CUTC: variants seen among roughly 807,000 people sequenced by gnomAD.
The protein encoded by CUTC is copper homeostasis protein cutC homolog.
Under a neutral mutation model 36.2 loss-of-function variants are expected in CUTC, and 27 were observed. That is an observed-to-expected ratio of 0.75 (90% CI 0.55 to 1.03). The LOEUF is 1.03. CUTC is among the 50% of genes least tolerant of loss of function. The probability of loss-of-function intolerance (pLI) is 0.00; values close to 1 mark genes in which losing one functional copy is unlikely to be tolerated. For synonymous variants in CUTC, 114 were observed against 118.3 expected, an observed-to-expected ratio of 0.96 and a Z score of 0.24; for missense variants, 315 against 343.5, an observed-to-expected ratio of 0.92 and a Z score of 0.66.
intron 6 of CUTC, 146 bp downstream of exon 6, chr10:99,747,536 C>G: frequency 1.2e-6 from 1 of 835,092 alleles, no homozygotes. Flanking sequence ...GTATATAATT[C>G]TTATTTCTTT....
chr10:99,740,585 A>G (rs1334317398), intron 3 of CUTC, among the ~76,000 whole-genome samples: 1 of 151,566 alleles, frequency 6.6e-6, no homozygotes, highest in Non-Finnish European at 1.5e-5. Flanking sequence ...GTTTTGAACA[A>G]TTTTCTTATG....
rs746328351 is a variant in CUTC, at chr10:99,747,257, C to G, written c.440C>G (p.Ala147Gly). Reference protein sequence around the residue: ...CRPLPVTFHRAFDMVHDPMAA... With the variant: ...CRPLPVTFHRGFDMVHDPMAA... ...TTCACATCAGTTTTATTTATTTCAGCCTTTGACATGGTTCATGATCCAATG... is the reference window on the plus strand; with the variant it reads ...TTCACATCAGTTTTATTTATTTCAGGCTTTGACATGGTTCATGATCCAATG... The change falls in exon 6 of 9, where the codon GCC becomes GGC. Residue 147 changes from alanine (A) to glycine (G), a missense_variant and splice_region_variant. By Grantham distance (60) the Ala-to-Gly change is moderately conservative (BLOSUM62 0). Transcript: ENST00000370476. 2.5e-6 allele frequency: 4 copies of G among 1,612,090 alleles called. No homozygotes were observed. The highest frequency in any genetic ancestry group is 2.2e-5 in the South Asian group (2 of 90,678).
At chr10:99,746,005 G>C (rs575505195) in intron 5 of CUTC, among the ~76,000 whole-genome samples, 1 of 152,314 alleles carries the variant, frequency 6.6e-6, no homozygotes, top group South Asian at 2.1e-4. Context: ...GCTTTTTCTA[G>C]AACTGGTGAG....
At chr10:99,751,591 C>T (rs1328648933) in intron 7 of CUTC, among the ~76,000 whole-genome samples, 1 of 152,324 alleles carries the variant, frequency 6.6e-6, no homozygotes, top group East Asian at 1.9e-4. Flanking sequence ...GGCCCAGTGG[C>T]TCACGCCTGT....
intron 1 of CUTC, among the ~76,000 whole-genome samples, chr10:99,733,992 G>A (rs1284701971): frequency 6.6e-6 from 1 of 152,034 alleles, no homozygotes; most frequent in African/African-American, 2.4e-5. Context: ...AACTCATGGA[G>A]TTAATAATGC....
rs1015567454 is a variant in CUTC, at chr10:99,735,614, G to A, written c.62-632G>A. On this transcript the variant is annotated intron_variant, in intron 1 of 8. Coordinates refer to ENST00000370476, the MANE Select transcript of CUTC (RefSeq NM_015960.3). The stretch of plus-strand genomic sequence containing the variant: ...GTAGAGACAGGGTTTTACCATGTTG[G>A]CCAGGCTGATCTCCAATTCCTGACC... Among the ~76,000 whole-genome samples the A allele has an allele frequency of 5.9e-5, 9 of 152,148 alleles. No individual in the cohort carries two copies. The South Asian group carries it at 1.9e-3, about 32-fold the overall frequency.
intron 1 of CUTC, 99 bp downstream of exon 1, chr10:99,732,508 C>T: frequency 1.3e-6 from 2 of 1,529,404 alleles, no homozygotes; most frequent in Non-Finnish European, 1.8e-6. Flanking sequence ...GAGTCGTTTC[C>T]TCAGCTCCTT....
At chr10:99,744,131 A>G (rs1428638767) in intron 5 of CUTC, 59 bp downstream of exon 5, 1 of 1,349,326 alleles carries the variant, frequency 7.4e-7, no homozygotes, top group Non-Finnish European at 1.1e-6. Context: ...AATTTCAACA[A>G]CTGCCACCAC....
intron 6 of CUTC, among the ~76,000 whole-genome samples, chr10:99,747,686 A>C (rs1288741013): frequency 6.6e-6 from 1 of 151,870 alleles, no homozygotes; most frequent in Non-Finnish European, 1.5e-5. Context: ...TTTACTTTTT[A>C]TTTTTATTTT....
chr10:99,746,172 A>G (rs528276409), intron 5 of CUTC, among the ~76,000 whole-genome samples: 3 of 152,310 alleles, frequency 2.0e-5, no homozygotes, highest in Non-Finnish European at 4.4e-5. Context: ...AATCTTAAGT[A>G]TGCACCCATA....
intron 4 of CUTC, 24 bp from the exon 5 acceptor site, chr10:99,744,013 T>C (rs767251296): frequency 1.4e-5 from 23 of 1,603,910 alleles, no homozygotes; most frequent in Non-Finnish European, 2.0e-5. Context: ...TCATTCATGT[T>C]GTTATATGAC....
chr10:99,739,862 C>A, intron 3 of CUTC, 93 bp downstream of exon 3: 1 of 890,790 alleles, frequency 1.1e-6, no homozygotes, highest in South Asian at 1.6e-5. Context: ...TTACTAATGT[C>A]ATGTTAACTA....
At chr10:99,743,982 T>C (rs2037359778) in intron 4 of CUTC, 55 bp from the exon 5 acceptor site, 3 of 1,438,884 alleles carry the variant, frequency 2.1e-6, no homozygotes, top group Admixed American at 1.7e-5. Flanking sequence ...ATTCTATATA[T>C]AGTAATCAGT....
chr10:99,750,375 G>A lies in CUTC; in HGVS notation c.580G>A (p.Gly194Ser). The change falls in exon 7 of 9, where the codon GGC becomes AGC. Residue 194 changes from glycine to serine, a missense_variant. By Grantham distance (56) the Gly-to-Ser change is moderately conservative. Transcript: ENST00000370476. ...LIKRLIEQAK[G>S]RIVVMPGGGI... ...TTTTTTTTTCTTTTTTCAGGCAAAA[G>A]GCAGGATTGTGGTAATGCCAGGTAT... 6.3e-7 allele frequency: 1 copy of A among 1,586,454 alleles called. No homozygotes were observed. The highest frequency in any genetic ancestry group is 8.5e-7 in the Non-Finnish European group (1 of 1,170,652).
At chr10:99,742,977 G>A (rs4919393) in intron 3 of CUTC, among the ~76,000 whole-genome samples, 176 bp from the exon 4 acceptor site, 18,449 of 152,126 alleles carry the variant, frequency 0.12, 1,285 homozygotes, top group East Asian at 0.31. Flanking sequence ...AGCATCTTCT[G>A]TTTTCTAAAT....
At chr10:99,754,418 C>T in intron 7 of CUTC, 111 bp from the exon 8 acceptor site, 1 of 730,648 alleles carries the variant, frequency 1.4e-6, no homozygotes, top group Non-Finnish European at 2.4e-6. Context: ...ATTTTTGAAT[C>T]AATGAGAAAT....
chr10:99,732,429 AG>A lies in CUTC; in HGVS notation c.61+24del, dbSNP rs2037212917. 1 of 1,546,044 alleles carries A rather than the reference AG, an allele frequency of 6.5e-7. No individual in the cohort carries two copies. Reference sequence around the variant, plus strand: ...AGGCCGGTGCGGAAGGTGGCGGGGGAGGGGACGGTCGGCCGAAGGCTCCCCG... The same window carrying A: ...AGGCCGGTGCGGAAGGTGGCGGGGGAGGGACGGTCGGCCGAAGGCTCCCCG... On this transcript the variant is annotated intron_variant, in intron 1 of 8. Coordinates refer to ENST00000370476, the MANE Select transcript of CUTC (RefSeq NM_015960.3).
intron 5 of CUTC, among the ~76,000 whole-genome samples, chr10:99,746,991 C>A (rs950715239): frequency 2.6e-5 from 4 of 152,156 alleles, no homozygotes; most frequent in Non-Finnish European, 5.9e-5. Flanking sequence ...TGGTCTCAAA[C>A]TCCTGCGCTC....
chr10:99,744,261 T>G (rs144527385), intron 5 of CUTC, among the ~76,000 whole-genome samples, 189 bp downstream of exon 5: 2,028 of 152,268 alleles, frequency 0.013, 51 homozygotes, highest in African/African-American at 0.046. Flanking sequence ...GCCTTAGTTA[T>G]GAAAAGTTGT....
Sources: gnomAD v4.1 joint callset for allele counts (sites outside exome capture counted in the v4.1 genomes callset) on GRCh38, gnomAD v4.1.1 for gene constraint, MANE v1.5 for transcripts, NCBI Gene and HGNC (gene_info 2026-07-23, HGNC 2026-07-21) for gene names.